UNC13C: variants seen among roughly 807,000 people sequenced by gnomAD.
The protein encoded by UNC13C is protein unc-13 homolog C.
Under a neutral mutation model 245.4 loss-of-function variants are expected in UNC13C, and 174 were observed. The observed-to-expected ratio is 0.71, with a 90% confidence interval of 0.63 to 0.80. UNC13C has a LOEUF of 0.80. UNC13C is among the 30% of genes least tolerant of loss of function. The pLI is 0.00. For missense variants in UNC13C, 2,829 were observed against 2,602.9 expected (o/e 1.09, Z -1.89); for synonymous variants, 992 against 895.1 (o/e 1.11, Z -1.93).
intron 4 of UNC13C, among the ~76,000 whole-genome samples, chr15:54,209,451 A>T (rs1596009380): frequency 6.6e-6 from 1 of 151,588 alleles, no homozygotes; most frequent in African/African-American, 2.4e-5. Context: ...TCACTCTGTC[A>T]CTCAGGGCTG....
chr15:54,421,257 A>G (rs1387781550), intron 19 of UNC13C, among the ~76,000 whole-genome samples: 1 of 152,028 alleles, frequency 6.6e-6, no homozygotes, highest in Non-Finnish European at 1.5e-5. Flanking sequence ...CATTATTCAT[A>G]ACATTAATTA....
chr15:54,214,430 G>C (rs2034977924), intron 4 of UNC13C, among the ~76,000 whole-genome samples: 1 of 151,882 alleles, frequency 6.6e-6, no homozygotes, highest in Non-Finnish European at 1.5e-5. Flanking sequence ...GCTTTGAACT[G>C]TGAAACTATA....
intron 30 of UNC13C, among the ~76,000 whole-genome samples, chr15:54,608,913 C>T (rs1249755830): frequency 6.6e-6 from 1 of 152,178 alleles, no homozygotes; most frequent in Non-Finnish European, 1.5e-5. Context: ...TTACCACCCT[C>T]TTGCCTTTTC....
At chr15:53,876,224 A>G in the UNC13C span, among the ~76,000 whole-genome samples, 1 of 152,206 alleles carries the variant, frequency 6.6e-6, no homozygotes, top group Non-Finnish European at 1.5e-5. Context: ...GCACTAAACG[A>G]ACTCATCAAT....
chr15:54,614,406 G>T (rs533863392), intron 30 of UNC13C, among the ~76,000 whole-genome samples: 1 of 151,702 alleles, frequency 6.6e-6, no homozygotes, highest in African/African-American at 2.4e-5. Context: ...GAATCTTTTT[G>T]AATCCATAAT....
At chr15:54,097,872 C>A (rs1280628750) in intron 2 of UNC13C, among the ~76,000 whole-genome samples, 1 of 152,176 alleles carries the variant, frequency 6.6e-6, no homozygotes, top group African/African-American at 2.4e-5. Context: ...GTGATGGGAA[C>A]AACACTCATT....
intron 8 of UNC13C, among the ~76,000 whole-genome samples, 192 bp from the exon 9 acceptor site, chr15:54,263,976 T>TA (rs1211173088): frequency 6.6e-6 from 1 of 152,098 alleles, no homozygotes; most frequent in Admixed American, 6.6e-5. Context: ...TACCTGCCAA[T>TA]AACACAAAGG....
At chr15:54,314,949 T>A (rs2037971886) in intron 13 of UNC13C, among the ~76,000 whole-genome samples, 1 of 151,656 alleles carries the variant, frequency 6.6e-6, no homozygotes, top group South Asian at 2.1e-4. Flanking sequence ...ACAAAGTATT[T>A]TTTTTTCCTT....
upstream of UNC13C, among the ~76,000 whole-genome samples, chr15:53,976,059 A>G (rs1282433621): frequency 6.6e-6 from 1 of 152,196 alleles, no homozygotes; most frequent in African/African-American, 2.4e-5. Flanking sequence ...TCAGGTACTC[A>G]GTAGTGAAAA....
chr15:53,895,135 G>A, the UNC13C span, among the ~76,000 whole-genome samples: 1 of 151,882 alleles, frequency 6.6e-6, no homozygotes, highest in African/African-American at 2.4e-5. Flanking sequence ...AGACCAAGGT[G>A]GGCAGATCAC....
intron 2 of UNC13C, among the ~76,000 whole-genome samples, chr15:54,024,921 T>TA (rs1171423378): frequency 2.4e-5 from 3 of 124,188 alleles, no homozygotes; most frequent in African/African-American, 8.0e-5. Context: ...TCTCAAAAAA[T>TA]AAAAAATAAA....
chr15:54,245,296 A>G (rs1270805864), intron 7 of UNC13C, among the ~76,000 whole-genome samples: 1 of 152,194 alleles, frequency 6.6e-6, no homozygotes, highest in African/African-American at 2.4e-5. Flanking sequence ...CTGTGTCATA[A>G]CAAAGGGCTT....
chr15:54,106,860 G>T (rs1427368720), intron 2 of UNC13C, among the ~76,000 whole-genome samples: 1 of 152,234 alleles, frequency 6.6e-6, no homozygotes, highest in Non-Finnish European at 1.5e-5. Context: ...AGGAAGAAAA[G>T]AAGTGCTTTT....
At chr15:54,191,896 G>T (rs984476187) in intron 4 of UNC13C, among the ~76,000 whole-genome samples, 1 of 151,688 alleles carries the variant, frequency 6.6e-6, no homozygotes, top group African/African-American at 2.4e-5. Flanking sequence ...TTTTTGTTGG[G>T]GTTATTTTTT....
chr15:54,528,413 A>G (rs2141143589), intron 25 of UNC13C, among the ~76,000 whole-genome samples: 1 of 150,910 alleles, frequency 6.6e-6, no homozygotes, highest in East Asian at 2.0e-4. Flanking sequence ...CGTAGGCATT[A>G]TTTTGTGAGT....
At chr15:54,164,754 T>C (rs2033106765) in intron 4 of UNC13C, among the ~76,000 whole-genome samples, 1 of 152,186 alleles carries the variant, frequency 6.6e-6, no homozygotes, top group African/African-American at 2.4e-5. Context: ...CAGAACCATC[T>C]GGTTGGCACT....
At chr15:54,354,621 TC>T (rs761972864) in intron 17 of UNC13C, among the ~76,000 whole-genome samples, 1 of 152,144 alleles carries the variant, frequency 6.6e-6, no homozygotes, top group Non-Finnish European at 1.5e-5. Flanking sequence ...GTGCTTTTCT[TC>T]TTTTTGGCCA....
chr15:54,170,550 TG>T (rs892315143), intron 4 of UNC13C, among the ~76,000 whole-genome samples: 4 of 152,168 alleles, frequency 2.6e-5, no homozygotes, highest in Non-Finnish European at 5.9e-5. Flanking sequence ...CATTAGTAAG[TG>T]TTTTTTTATT....
At chr15:53,967,349 GT>G in the UNC13C span, among the ~76,000 whole-genome samples, 2 of 149,260 alleles carry the variant, frequency 1.3e-5, no homozygotes, top group African/African-American at 2.5e-5. Context: ...GTTTTGTTTT[GT>G]TTTTTTTCGA....
Sources: gnomAD v4.1 joint callset for allele counts (sites outside exome capture counted in the v4.1 genomes callset) on GRCh38, gnomAD v4.1.1 for gene constraint, MANE v1.5 for transcripts, NCBI Gene and HGNC (gene_info 2026-07-23, HGNC 2026-07-21) for gene names.